PPFIA2: variants seen among roughly 807,000 people sequenced by gnomAD.
The protein encoded by PPFIA2 is PPFI scaffold protein A2.
In PPFIA2, 46 loss-of-function variants were observed where a neutral mutation model predicts 175.5. That is an observed-to-expected ratio of 0.26 (90% confidence interval 0.21 to 0.34). The LOEUF (loss-of-function observed/expected upper bound fraction) is 0.34. Ranked by LOEUF, PPFIA2 falls within the 10% of genes least tolerant of loss-of-function variation. The pLI is 1.00. For missense variants in PPFIA2, 1,179 were observed against 1,506.1 expected (o/e 0.78, Z 3.60); for synonymous variants, 568 against 511.4 (o/e 1.11, Z -1.49).
chr12:81,742,854 A>C (rs1163381764), intron 3 of PPFIA2, among the ~76,000 whole-genome samples: 2 of 152,178 alleles, frequency 1.3e-5, no homozygotes, highest in African/African-American at 2.4e-5. Context: ...TCCTAATGCC[A>C]AATGAGGTAA....
intron 4 of PPFIA2, among the ~76,000 whole-genome samples, chr12:81,474,965 T>C (rs1332108000): frequency 6.6e-6 from 1 of 152,176 alleles, no homozygotes; most frequent in African/African-American, 2.4e-5. Flanking sequence ...AATAGAATAA[T>C]ACACAACACA....
intron 3 of PPFIA2, among the ~76,000 whole-genome samples, chr12:81,743,969 T>C (rs940694589): frequency 6.6e-6 from 1 of 152,204 alleles, no homozygotes; most frequent in African/African-American, 2.4e-5. Flanking sequence ...AATTAATACA[T>C]CTAAAATGTT....
intron 8 of PPFIA2, among the ~76,000 whole-genome samples, chr12:81,391,654 G>T (rs2040147815): frequency 1.3e-5 from 2 of 151,882 alleles, no homozygotes; most frequent in South Asian, 4.1e-4. Context: ...TGAAATATAG[G>T]ATGTACAGTT....
intron 4 of PPFIA2, among the ~76,000 whole-genome samples, chr12:81,477,411 T>C (rs897646856): frequency 6.6e-6 from 1 of 152,158 alleles, no homozygotes; most frequent in African/African-American, 2.4e-5. Flanking sequence ...AAATGATATA[T>C]TCCACCATTT....
intron 2 of PPFIA2, among the ~76,000 whole-genome samples, chr12:81,757,655 A>G (rs181632848): frequency 9.2e-4 from 139 of 151,446 alleles, no homozygotes; most frequent in Non-Finnish European, 1.3e-3. Flanking sequence ...TCAGATTTCA[A>G]AATAAAAGTT....
intron 7 of PPFIA2, among the ~76,000 whole-genome samples, chr12:81,409,966 C>T (rs2043622895): frequency 6.6e-6 from 1 of 151,986 alleles, no homozygotes; most frequent in Admixed American, 6.6e-5. Flanking sequence ...ACCTAGGGCT[C>T]AATGTGATAG....
chr12:81,744,853 T>C (rs1454247861), intron 3 of PPFIA2, among the ~76,000 whole-genome samples: 1 of 152,248 alleles, frequency 6.6e-6, no homozygotes, highest in Non-Finnish European at 1.5e-5. Context: ...AAGTATGTCA[T>C]TAATGGGATC....
intron 32 of PPFIA2, chr12:81,260,650 A>G (rs1219166280): frequency 6.6e-6 from 1 of 152,180 alleles, no homozygotes; most frequent in Non-Finnish European, 1.5e-5. Context: ...ATCAGCTTCA[A>G]ATAGTGATCC....
intron 4 of PPFIA2, among the ~76,000 whole-genome samples, chr12:81,581,478 G>A (rs1027038620): frequency 1.3e-5 from 2 of 151,798 alleles, no homozygotes; most frequent in Admixed American, 1.3e-4. Context: ...CCTCTTCTCT[G>A]TGAGGCCTCT....
At chr12:81,544,871 A>T (rs950940807) in intron 4 of PPFIA2, among the ~76,000 whole-genome samples, 5 of 152,186 alleles carry the variant, frequency 3.3e-5, no homozygotes, top group Admixed American at 2.0e-4. Flanking sequence ...AGCAATCAGA[A>T]CCCATAAGGT....
chr12:81,339,430 T>G, intron 20 of PPFIA2, 96 bp from the exon 21 acceptor site: 1 of 981,314 alleles, frequency 1.0e-6, no homozygotes, highest in Non-Finnish European at 1.3e-6. Flanking sequence ...ACAAGCAGAC[T>G]TGTAATGTTG....
chr12:81,354,190 A>G (rs961506761), intron 16 of PPFIA2, among the ~76,000 whole-genome samples: 2 of 152,154 alleles, frequency 1.3e-5, no homozygotes, highest in African/African-American at 4.8e-5. Context: ...ATAAGACAAC[A>G]ATGAAATTTG....
intron 3 of PPFIA2, among the ~76,000 whole-genome samples, chr12:81,729,463 T>C (rs778480915): frequency 3.3e-5 from 5 of 151,556 alleles, no homozygotes; most frequent in Non-Finnish European, 5.9e-5. Flanking sequence ...TTCCTGACTT[T>C]GATATTGTGA....
chr12:81,568,582 G>A (rs553153262), intron 4 of PPFIA2, among the ~76,000 whole-genome samples: 41 of 152,104 alleles, frequency 2.7e-4, no homozygotes, highest in African/African-American at 6.8e-4. Flanking sequence ...AGCTTTCAGC[G>A]TGTCCTCTCA....
chr12:81,716,144 C>A (rs890048931), intron 3 of PPFIA2, among the ~76,000 whole-genome samples: 29 of 151,464 alleles, frequency 1.9e-4, no homozygotes, highest in African/African-American at 7.0e-4. Flanking sequence ...TATTTATCTA[C>A]ATATAATGTA....
chr12:81,313,273 T>TAATTA (rs2051410682), intron 22 of PPFIA2, among the ~76,000 whole-genome samples: 3 of 152,120 alleles, frequency 2.0e-5, no homozygotes, highest in Non-Finnish European at 4.4e-5. Context: ...TCATAAAACA[T>TAATTA]GTTCAATATA....
At chr12:81,479,498 T>C (rs2057927543) in intron 4 of PPFIA2, among the ~76,000 whole-genome samples, 3 of 152,220 alleles carry the variant, frequency 2.0e-5, no homozygotes, top group South Asian at 4.1e-4. Context: ...GCCCATTAGT[T>C]GATGCAGTTT....
At chr12:81,402,737 T>A (rs2042291026) in intron 8 of PPFIA2, among the ~76,000 whole-genome samples, 1 of 152,060 alleles carries the variant, frequency 6.6e-6, no homozygotes, top group Non-Finnish European at 1.5e-5. Flanking sequence ...GCCAGTAATG[T>A]TAGCTACTTG....
At chr12:81,586,880 G>A (rs1292062483) in intron 4 of PPFIA2, among the ~76,000 whole-genome samples, 1 of 151,746 alleles carries the variant, frequency 6.6e-6, no homozygotes, top group Non-Finnish European at 1.5e-5. Flanking sequence ...AATAAATTAT[G>A]CTATTATTTA....
Sources: allele counts gnomAD v4.1 joint callset (sites outside exome capture counted in the v4.1 genomes callset), GRCh38; gene constraint gnomAD v4.1.1; transcripts MANE v1.5; gene names NCBI Gene and HGNC (gene_info 2026-07-23, HGNC 2026-07-21).